PAPSS2: variants seen among roughly 807,000 people sequenced by gnomAD.
PAPSS2 encodes 3'-phosphoadenosine 5'-phosphosulfate synthase 2.
PAPSS2 carries 61 observed loss-of-function variants against 66.5 expected under a neutral mutation model. That is an observed-to-expected ratio of 0.92 (90% CI 0.75 to 1.14). The LOEUF is 1.14. Ranked by LOEUF, PAPSS2 falls within the 50% of genes most tolerant of loss-of-function variation. The pLI, the probability that PAPSS2 is intolerant of heterozygous loss-of-function variation, is 0.00. For missense variants in PAPSS2, 708 were observed against 789.6 expected (o/e 0.90, Z 1.24); for synonymous variants, 289 against 287.5 (o/e 1.01, Z -0.05).
At chr10:87,700,672 A>G (rs1043027505) in intron 1 of PAPSS2, among the ~76,000 whole-genome samples, 1 of 151,606 alleles carries the variant, frequency 6.6e-6, no homozygotes, top group Admixed American at 6.6e-5. Context: ...AAAAAAAAAA[A>G]GAAAAAAGAA....
chr10:87,707,601 G>C (rs561736787), intron 1 of PAPSS2, among the ~76,000 whole-genome samples: 1 of 122,294 alleles, frequency 8.2e-6, no homozygotes, highest in Admixed American at 1.1e-4. Flanking sequence ...ACAGGGTCTC[G>C]CTCTGTTGCC....
At chr10:87,677,906 A>T (rs1852968889) in intron 1 of PAPSS2, among the ~76,000 whole-genome samples, 1 of 152,210 alleles carries the variant, frequency 6.6e-6, no homozygotes, top group African/African-American at 2.4e-5. Flanking sequence ...TAATCTTTTT[A>T]AAAAAGATAT....
At chr10:87,725,155 A>G (rs962493993) in intron 8 of PAPSS2, among the ~76,000 whole-genome samples, 1 of 152,228 alleles carries the variant, frequency 6.6e-6, no homozygotes, top group African/African-American at 2.4e-5. Flanking sequence ...GTACCTCTAC[A>G]GAAACATCTA....
At chr10:87,725,601 G>A (rs555257575) in intron 8 of PAPSS2, among the ~76,000 whole-genome samples, 41 of 152,334 alleles carry the variant, frequency 2.7e-4, no homozygotes, top group Admixed American at 5.9e-4. Context: ...ATTTAGGAAA[G>A]AGGGAGCAGG....
chr10:87,686,267 C>CT (rs1039446804), intron 1 of PAPSS2, among the ~76,000 whole-genome samples: 7 of 140,848 alleles, frequency 5.0e-5, no homozygotes, highest in Admixed American at 7.6e-5. Context: ...GAACTTTGTC[C>CT]TTTTTTTTCT....
intron 1 of PAPSS2, among the ~76,000 whole-genome samples, chr10:87,695,790 A>G (rs984921792): frequency 6.6e-6 from 1 of 152,258 alleles, no homozygotes; most frequent in Non-Finnish European, 1.5e-5. Flanking sequence ...CCTCGTCGTC[A>G]TTTTAAAAGC....
At chr10:87,679,285 TA>T (rs1357201807) in intron 1 of PAPSS2, among the ~76,000 whole-genome samples, 1 of 152,102 alleles carries the variant, frequency 6.6e-6, no homozygotes, top group Non-Finnish European at 1.5e-5. Flanking sequence ...GAAAATTGGT[TA>T]GGGTGGGGAG....
At chr10:87,729,819 G>A (rs11202530) in intron 9 of PAPSS2, among the ~76,000 whole-genome samples, 79,602 of 151,698 alleles carry the variant, frequency 0.52, 22,176 homozygotes, top group East Asian at 0.75. Context: ...CAACATGGAG[G>A]AACCCCATCT....
intron 1 of PAPSS2, among the ~76,000 whole-genome samples, chr10:87,688,546 G>GC (rs1432816724): frequency 2.0e-5 from 3 of 151,316 alleles, no homozygotes; most frequent in Non-Finnish European, 2.9e-5. Flanking sequence ...CTCAAGCTCC[G>GC]CCCCCCGGGT....
intron 1 of PAPSS2, among the ~76,000 whole-genome samples, chr10:87,683,933 G>A (rs540327304): frequency 3.1e-4 from 47 of 152,190 alleles, no homozygotes; most frequent in Non-Finnish European, 5.1e-4. Flanking sequence ...GGCTTCAAGC[G>A]ATCCTCCCAC....
chr10:87,693,353 G>A (rs370322846), intron 1 of PAPSS2, among the ~76,000 whole-genome samples: 1 of 152,226 alleles, frequency 6.6e-6, no homozygotes, highest in South Asian at 2.1e-4. Context: ...TTTAGACAGA[G>A]TAGCAGCTGA....
Position 87,745,034 on chromosome 10 carries a change from G to A in PAPSS2, c.1524G>A (p.Ala508=), listed in dbSNP as rs142268621. The change falls in exon 12 of 13, where the codon GCG becomes GCA. Residue 508 remains alanine (A), a synonymous_variant. Transcript: ENST00000456849. ...VQWHCRSRMI[A]GANFYIVGRD... Reference sequence around the variant, plus strand: ...GGCACTGCAGGTCCCGGATGATTGCGGGTGCCAATTTCTACATTGTGGGGA... The same window carrying A: ...GGCACTGCAGGTCCCGGATGATTGCAGGTGCCAATTTCTACATTGTGGGGA... 5.1e-5 allele frequency: 83 copies of A among 1,613,956 alleles called. 1 individual carries two copies. Among genetic ancestry groups the A allele is most frequent in the East Asian group, 1.3e-4 (6 of 44,866 alleles).
At chr10:87,728,705 C>T (rs1013403338) in intron 9 of PAPSS2, among the ~76,000 whole-genome samples, 7 of 151,158 alleles carry the variant, frequency 4.6e-5, no homozygotes, top group Non-Finnish European at 8.8e-5. Context: ...CCAGTGTACT[C>T]TAGACTGGGT....
chr10:87,687,943 T>G (rs1019758118), intron 1 of PAPSS2, among the ~76,000 whole-genome samples: 23 of 152,228 alleles, frequency 1.5e-4, no homozygotes, highest in African/African-American at 5.1e-4. Flanking sequence ...ATTTAGACTG[T>G]GCTATTGGAC....
Position 87,715,084 on chromosome 10 carries a change from T to G in PAPSS2, c.739T>G (p.Leu247Val), listed in dbSNP as rs1564721867. Residue 247 changes from leucine (L) to valine (V), a missense_variant, in exon 6 of 13, where the codon TTA (leucine) becomes GTA (valine). Coordinates refer to ENST00000456849, the MANE Select transcript of PAPSS2 (RefSeq NM_001015880.2). ...AGCTGAGGCTGAAACTCTCCCTTCATTATCAATTACTAAGGTAAGTGGGTG... is the reference window on the plus strand; with the variant it reads ...AGCTGAGGCTGAAACTCTCCCTTCAGTATCAATTACTAAGGTAAGTGGGTG... ...VRAEAETLPS[L>V]SITKLDLQWV... 1 of 1,600,276 alleles carries G rather than the reference T, an allele frequency of 6.2e-7. No homozygotes were observed. The highest frequency in any genetic ancestry group is 8.6e-7 in the Non-Finnish European group (1 of 1,167,470).
At chr10:87,722,506 A>G (rs1405965085) in intron 8 of PAPSS2, among the ~76,000 whole-genome samples, 2 of 152,254 alleles carry the variant, frequency 1.3e-5, no homozygotes, top group Non-Finnish European at 2.9e-5. Flanking sequence ...AGAAGGCTTG[A>G]AAATTATTGA....
At chr10:87,745,381 T>C (rs1853925355) in intron 12 of PAPSS2, 150 bp downstream of exon 12, 2 of 681,644 alleles carry the variant, frequency 2.9e-6, no homozygotes, top group Non-Finnish European at 5.2e-6. Flanking sequence ...GTCTTATAAA[T>C]TTTATGTCCC....
intron 1 of PAPSS2, among the ~76,000 whole-genome samples, chr10:87,674,243 C>A (rs2131898965): frequency 6.6e-6 from 1 of 152,346 alleles, no homozygotes; most frequent in Non-Finnish European, 1.5e-5. Context: ...CGGCTCACTG[C>A]AACCTCCACC....
At chr10:87,678,617 G>T (rs915481531) in intron 1 of PAPSS2, among the ~76,000 whole-genome samples, 1 of 152,002 alleles carries the variant, frequency 6.6e-6, no homozygotes, top group African/African-American at 2.4e-5. Context: ...TAAAAAGTGG[G>T]CAAAGGACAT....
Sources: allele counts gnomAD v4.1 joint callset (sites outside exome capture counted in the v4.1 genomes callset), GRCh38; gene constraint gnomAD v4.1.1; transcripts MANE v1.5; gene names NCBI Gene and HGNC (gene_info 2026-07-23, HGNC 2026-07-21).